The following CSMD3 variants were observed in gnomAD, a reference collection of about 807,000 sequenced individuals.
CSMD3 encodes CUB and Sushi multiple domains 3.
A neutral mutation model predicts 435.2 loss-of-function variants in CSMD3; 177 were observed. The observed-to-expected ratio is 0.41, with a 90% CI of 0.36 to 0.46. The LOEUF (loss-of-function observed/expected upper bound fraction) is 0.46, where lower values mean the gene tolerates loss of function less well. Ranked by LOEUF, CSMD3 falls within the 20% of genes least tolerant of loss-of-function variation. The pLI, the probability that CSMD3 is intolerant of heterozygous loss-of-function variation, is 0.34. For missense variants in CSMD3, 4,265 were observed against 4,504.6 expected (o/e 0.95, Z 1.52); for synonymous variants, 1,656 against 1,520.5 (o/e 1.09, Z -2.07).
At chr8:112,555,010 TTC>T (rs1827992394) in intron 25 of CSMD3, among the ~76,000 whole-genome samples, 1 of 151,956 alleles carries the variant, frequency 6.6e-6, no homozygotes, top group Non-Finnish European at 1.5e-5. Context: ...GAATTTCATC[TTC>T]TGTTATCATC....
At chr8:112,693,624 T>C (rs912908445) in intron 13 of CSMD3, among the ~76,000 whole-genome samples, 26 of 151,956 alleles carry the variant, frequency 1.7e-4, no homozygotes, top group African/African-American at 6.3e-4. Context: ...AATATACTCA[T>C]TTTTAAATCT....
intron 3 of CSMD3, among the ~76,000 whole-genome samples, chr8:113,250,312 A>G (rs1026794566): frequency 1.3e-5 from 2 of 152,068 alleles, no homozygotes; most frequent in East Asian, 1.9e-4. Flanking sequence ...TTAGTCCATT[A>G]AAAACAAAGA....
chr8:112,604,684 T>A (rs1832654995), intron 22 of CSMD3, among the ~76,000 whole-genome samples: 1 of 152,064 alleles, frequency 6.6e-6, no homozygotes, highest in South Asian at 2.1e-4. Context: ...GCTATAAAAG[T>A]TCTGAAAGAA....
chr8:113,028,909 G>A (rs911957052), intron 5 of CSMD3, among the ~76,000 whole-genome samples: 2 of 151,496 alleles, frequency 1.3e-5, no homozygotes, highest in Admixed American at 1.3e-4. Flanking sequence ...ATTGATGAAG[G>A]TGACTATACT....
At chr8:113,341,741 G>A (rs905563032) in intron 1 of CSMD3, among the ~76,000 whole-genome samples, 2 of 152,036 alleles carry the variant, frequency 1.3e-5, no homozygotes, top group African/African-American at 4.8e-5. Context: ...ATAAATATAT[G>A]CTTTAGGTGT....
At chr8:113,195,794 T>C (rs1360865932) in intron 3 of CSMD3, among the ~76,000 whole-genome samples, 3 of 126,034 alleles carry the variant, frequency 2.4e-5, no homozygotes, top group Non-Finnish European at 4.8e-5. Context: ...CTATATTTTA[T>C]ATATATATAT....
intron 13 of CSMD3, among the ~76,000 whole-genome samples, chr8:112,793,564 C>T (rs757827083): frequency 2.6e-5 from 4 of 152,046 alleles, no homozygotes; most frequent in Admixed American, 6.6e-5. Flanking sequence ...AAGAATGATT[C>T]GCAAATCTGG....
intron 50 of CSMD3, 28 bp from the exon 51 acceptor site, chr8:112,306,220 C>T (rs762616770): frequency 8.9e-6 from 14 of 1,569,296 alleles, no homozygotes; most frequent in South Asian, 2.2e-5. Context: ...CAAGCAAAAT[C>T]GTATAAACAG....
chr8:113,360,798 C>A (rs1161654094), intron 1 of CSMD3, among the ~76,000 whole-genome samples: 17 of 152,040 alleles, frequency 1.1e-4, no homozygotes, highest in Non-Finnish European at 2.9e-5. Flanking sequence ...TGGTCTCGAT[C>A]TCCTGACCTC....
At chr8:112,530,754 G>A (rs1825447083) in intron 27 of CSMD3, among the ~76,000 whole-genome samples, 1 of 152,176 alleles carries the variant, frequency 6.6e-6, no homozygotes, top group South Asian at 2.1e-4. Context: ...CTACCACAAT[G>A]TAACACAGCA....
intron 3 of CSMD3, among the ~76,000 whole-genome samples, chr8:113,178,974 G>C (rs1282146357): frequency 6.6e-6 from 1 of 151,718 alleles, no homozygotes; most frequent in African/African-American, 2.4e-5. Flanking sequence ...GAGTAATTGA[G>C]AGTAAATAAT....
At chr8:113,256,912 GT>G (rs1211736292) in intron 3 of CSMD3, among the ~76,000 whole-genome samples, 1 of 152,178 alleles carries the variant, frequency 6.6e-6, no homozygotes, top group African/African-American at 2.4e-5. Flanking sequence ...CACTCCAGAT[GT>G]GTAAAATAAG....
intron 22 of CSMD3, among the ~76,000 whole-genome samples, chr8:112,625,758 G>A (rs185891766): frequency 1.3e-5 from 2 of 152,126 alleles, no homozygotes; most frequent in Admixed American, 1.3e-4. Context: ...TTTGGGGGAG[G>A]TAAATAATCC....
intron 36 of CSMD3, among the ~76,000 whole-genome samples, chr8:112,384,992 T>C (rs932294757): frequency 3.3e-5 from 5 of 152,198 alleles, no homozygotes; most frequent in African/African-American, 1.2e-4. Flanking sequence ...AAGGAAATTA[T>C]TGAGTGTCTA....
chr8:113,042,529 G>T (rs2087666826), intron 5 of CSMD3, among the ~76,000 whole-genome samples: 1 of 151,978 alleles, frequency 6.6e-6, no homozygotes, highest in South Asian at 2.1e-4. Context: ...TTTTTCTAAT[G>T]TATTTTGTGT....
chr8:113,328,082 C>T (rs2093996844), intron 1 of CSMD3, among the ~76,000 whole-genome samples: 1 of 151,376 alleles, frequency 6.6e-6, no homozygotes, highest in South Asian at 2.1e-4. Context: ...CACACAGACA[C>T]ACACAGACAC....
chr8:112,410,495 AATATATATAT>A (rs4029455), intron 32 of CSMD3, among the ~76,000 whole-genome samples: 1 of 122,736 alleles, frequency 8.1e-6, no homozygotes, highest in Admixed American at 9.2e-5. Flanking sequence ...AAATACTCCA[AATATATATAT>A]ATATATATAT....
At chr8:113,305,859 G>C (rs565971700) in intron 2 of CSMD3, among the ~76,000 whole-genome samples, 9 of 152,250 alleles carry the variant, frequency 5.9e-5, no homozygotes, top group Admixed American at 1.3e-4. Context: ...TAATTCACTT[G>C]CATGCCCAAT....
At chr8:113,263,798 A>G (rs2093446079) in intron 3 of CSMD3, among the ~76,000 whole-genome samples, 1 of 151,860 alleles carries the variant, frequency 6.6e-6, no homozygotes, top group East Asian at 1.9e-4. Flanking sequence ...AACATTTTAC[A>G]AACTATCTTG....
Sources: allele counts gnomAD v4.1 joint callset (sites outside exome capture counted in the v4.1 genomes callset), GRCh38; gene constraint gnomAD v4.1.1; transcripts MANE v1.5; gene names NCBI Gene and HGNC (gene_info 2026-07-23, HGNC 2026-07-21).